The following GABRB1 variants were observed in gnomAD, a reference collection of about 807,000 sequenced individuals.
GABRB1 encodes the protein gamma-aminobutyric acid receptor subunit beta-1.
In GABRB1, 17 loss-of-function variants were observed where a neutral mutation model predicts 51.6. That is an observed-to-expected ratio of 0.33 (90% confidence interval 0.23 to 0.49). The LOEUF (loss-of-function observed/expected upper bound fraction) is 0.49. GABRB1 is among the 20% of genes least tolerant of loss of function. GABRB1 has a pLI of 0.99. For missense variants in GABRB1, 410 were observed against 600.6 expected (o/e 0.68, Z 3.32); for synonymous variants, 247 against 218.9 (o/e 1.13, Z -1.14).
At chr4:47,250,457 C>T (rs967705907) in intron 4 of GABRB1, among the ~76,000 whole-genome samples, 29 of 152,208 alleles carry the variant, frequency 1.9e-4, no homozygotes, top group Admixed American at 1.2e-3. Flanking sequence ...TGATGAATTT[C>T]CCAGGTGTTC....
At chr4:47,214,493 C>T (rs959696455) in intron 4 of GABRB1, among the ~76,000 whole-genome samples, 2 of 152,112 alleles carry the variant, frequency 1.3e-5, no homozygotes, top group Non-Finnish European at 2.9e-5. Flanking sequence ...CTCCACTCTC[C>T]TTGTGACTTT....
chr4:47,052,820 A>T (rs1011606314), intron 3 of GABRB1, among the ~76,000 whole-genome samples: 1 of 152,184 alleles, frequency 6.6e-6, no homozygotes. Context: ...CATCCAATGG[A>T]TCTAAAAACT....
At chr4:47,031,082 T>C (rs147672566), upstream of GABRB1, among the ~76,000 whole-genome samples, 23 of 152,068 alleles carry the variant, frequency 1.5e-4, no homozygotes, top group South Asian at 2.1e-3. Flanking sequence ...ACGTCCTGAG[T>C]TTCCTCTGTA....
At chr4:47,298,211 A>G (rs1171347738) in intron 4 of GABRB1, among the ~76,000 whole-genome samples, 1 of 152,188 alleles carries the variant, frequency 6.6e-6, no homozygotes, top group Non-Finnish European at 1.5e-5. Context: ...CACCACTCCT[A>G]TTCAACATAG....
At chr4:47,152,765 A>C (rs1231979691) in intron 3 of GABRB1, among the ~76,000 whole-genome samples, 1 of 151,998 alleles carries the variant, frequency 6.6e-6, no homozygotes, top group African/African-American at 2.4e-5. Flanking sequence ...CTCAGGTCAG[A>C]AACCTGGTGG....
chr4:47,283,031 A>G (rs1210134696), intron 4 of GABRB1, among the ~76,000 whole-genome samples: 1 of 152,198 alleles, frequency 6.6e-6, no homozygotes, highest in Non-Finnish European at 1.5e-5. Context: ...AACAGGAGGT[A>G]TGGTTAAGGA....
At chr4:47,319,633 T>C (rs1203606794) in intron 4 of GABRB1, among the ~76,000 whole-genome samples, 2 of 152,230 alleles carry the variant, frequency 1.3e-5, no homozygotes, top group African/African-American at 4.8e-5. Flanking sequence ...ATCAGGGATA[T>C]TGGCCTGTAC....
At chr4:47,240,242 A>C (rs1364361920) in intron 4 of GABRB1, among the ~76,000 whole-genome samples, 1 of 152,242 alleles carries the variant, frequency 6.6e-6, no homozygotes, top group Non-Finnish European at 1.5e-5. Flanking sequence ...AGGAAGAAGG[A>C]GCAAGGGAAT....
intron 1 of GABRB1, among the ~76,000 whole-genome samples, chr4:47,022,574 G>T (rs1724957575): frequency 6.6e-6 from 1 of 151,974 alleles, no homozygotes; most frequent in East Asian, 1.9e-4. Context: ...TCACGTCAGA[G>T]AAATGCAAAT....
At chr4:47,346,261 T>G (rs1470721411) in intron 5 of GABRB1, among the ~76,000 whole-genome samples, 2 of 152,006 alleles carry the variant, frequency 1.3e-5, no homozygotes, top group Non-Finnish European at 2.9e-5. Context: ...ATAAAAGAGA[T>G]GAATAGGAGT....
intron 4 of GABRB1, among the ~76,000 whole-genome samples, chr4:47,169,112 G>A (rs1701863104): frequency 6.6e-6 from 1 of 152,084 alleles, no homozygotes; most frequent in Non-Finnish European, 1.5e-5. Context: ...TTCCACATAT[G>A]AATTTGACGA....
chr4:47,269,516 T>C (rs951134331), intron 4 of GABRB1, among the ~76,000 whole-genome samples: 5 of 152,046 alleles, frequency 3.3e-5, no homozygotes, highest in Non-Finnish European at 7.4e-5. Flanking sequence ...TAGTGTGAGG[T>C]GTGGGGGAGG....
At chr4:47,360,078 C>T (rs1207805629) in intron 5 of GABRB1, among the ~76,000 whole-genome samples, 2 of 150,710 alleles carry the variant, frequency 1.3e-5, no homozygotes, top group Non-Finnish European at 3.0e-5. Context: ...ACAAGATGTA[C>T]AACAAAGGCA....
intron 5 of GABRB1, among the ~76,000 whole-genome samples, chr4:47,361,673 G>T (rs999869080): frequency 6.6e-6 from 1 of 152,070 alleles, no homozygotes. Flanking sequence ...GAAAAAAACT[G>T]GACTGATTTA....
At chr4:47,417,649 G>A (rs1187300408) in intron 8 of GABRB1, among the ~76,000 whole-genome samples, 1 of 152,228 alleles carries the variant, frequency 6.6e-6, no homozygotes, top group Non-Finnish European at 1.5e-5. Flanking sequence ...ATTAAGTAGA[G>A]TGTAGGCTTC....
chr4:47,059,548 A>C (rs1726760624), intron 3 of GABRB1, among the ~76,000 whole-genome samples: 1 of 152,190 alleles, frequency 6.6e-6, no homozygotes, highest in Non-Finnish European at 1.5e-5. Flanking sequence ...AGGATTAATG[A>C]ATATCTTGTA....
At chr4:47,208,127 G>A (rs1560585792) in intron 4 of GABRB1, among the ~76,000 whole-genome samples, 1 of 152,072 alleles carries the variant, frequency 6.6e-6, no homozygotes, top group Admixed American at 6.6e-5. Context: ...GGGTGTTTGT[G>A]TGTGTACAAT....
chr4:47,092,165 CT>C (rs869057256), intron 3 of GABRB1, among the ~76,000 whole-genome samples: 58 of 60,504 alleles, frequency 9.6e-4, no homozygotes, highest in African/African-American at 1.6e-3. Context: ...TTCTTTCTTT[CT>C]TTTTTTTTTT....
rs1428162826 is a variant in GABRB1 at position 47,060,717 on chromosome 4, T to C, written c.240+28233T>C. Reference sequence around the variant, plus strand: ...TAGGGGATGAGTGTTGGCAGGCTAATATTAATGAATTCAGCAGCCTCGATT... The same window carrying C: ...TAGGGGATGAGTGTTGGCAGGCTAACATTAATGAATTCAGCAGCCTCGATT... On this transcript the variant is annotated intron_variant, in intron 3 of 8. Coordinates refer to ENST00000295454, the MANE Select transcript of GABRB1 (RefSeq NM_000812.4). Among the ~76,000 whole-genome samples the C allele has an allele frequency of 2.6e-5, 4 of 152,156 alleles. No individual in the cohort carries two copies. The East Asian group carries it at 7.7e-4, about 29-fold the overall frequency.
Sources: allele counts gnomAD v4.1 joint callset (sites outside exome capture counted in the v4.1 genomes callset), GRCh38; gene constraint gnomAD v4.1.1; transcripts MANE v1.5; gene names NCBI Gene and HGNC (gene_info 2026-07-23, HGNC 2026-07-21).